TRAPPC9: variants seen among roughly 807,000 people sequenced by gnomAD.
TRAPPC9 encodes the protein IKK2 binding protein.
TRAPPC9 carries 83 observed loss-of-function variants against 124.0 expected under a neutral mutation model. The ratio of observed to expected loss-of-function variants is 0.67; its 90% CI spans 0.56 to 0.80. The LOEUF (loss-of-function observed/expected upper bound fraction) is 0.80. TRAPPC9 is among the 30% of genes least tolerant of loss of function. The pLI is 0.00. For synonymous variants in TRAPPC9, 638 were observed against 617.5 expected (o/e 1.03, Z -0.49); for missense variants, 1,302 against 1,508.3 (o/e 0.86, Z 2.27).
At chr8:140,457,776 C>G, upstream of TRAPPC9, 2 of 1,003,582 alleles carry the variant, frequency 2.0e-6, no homozygotes, top group South Asian at 8.4e-5. Context: ...CCTGCGCGTG[C>G]GCGGAGGCCA....
At position 139,825,881 on chromosome 8, in the gene TRAPPC9, T is replaced by A. The variant is rs913225114; in HGVS notation, c.3055+59998A>T. ...CCATGGGTTCCTGAATCAGAATATT[T>A]CCTGTGCAAAGCGCCATGCCAGGCT... On this transcript the variant is annotated intron_variant, in intron 21 of 22. Coordinates refer to ENST00000438773, the MANE Select transcript of TRAPPC9 (RefSeq NM_001160372.4). The surrounding 1 kb of genome is among the most constrained non-coding windows in gnomAD (Gnocchi z 4.6). 3.3e-5 allele frequency among the ~76,000 whole-genome samples: 5 copies of A among 152,020 alleles called. No individual in the cohort carries two copies. The highest frequency in any genetic ancestry group is 4.2e-4 in the South Asian group (2 of 4,816).
chr8:140,197,250 A>C (rs2062691792), intron 17 of TRAPPC9, among the ~76,000 whole-genome samples: 1 of 152,246 alleles, frequency 6.6e-6, no homozygotes, highest in Non-Finnish European at 1.5e-5. Context: ...TATTTTGCAA[A>C]TAAAGCGGGA....
rs1252855556 is a variant in TRAPPC9 at position 139,825,944 on chromosome 8, G to A, written c.3055+59935C>T. Among the ~76,000 whole-genome samples the A allele has an allele frequency of 6.6e-6, 1 of 152,172 alleles. No individual in the cohort carries two copies. The highest frequency in any genetic ancestry group is 1.5e-5 in the Non-Finnish European group (1 of 68,030). ...GGTGAGCATCGGATATAACCCGCCC[G>A]TGGAACAGGCCATGATGAGGATGTG... On this transcript the variant is annotated intron_variant, in intron 21 of 22. Transcript: ENST00000438773. This position sits in a 1 kb window ranked among gnomAD's most constrained non-coding sequence, Gnocchi z 4.6.
chr8:140,439,828 A>G (rs2070944270), intron 2 of TRAPPC9, among the ~76,000 whole-genome samples: 1 of 151,776 alleles, frequency 6.6e-6, no homozygotes, highest in Non-Finnish European at 1.5e-5. Context: ...AAATACATCT[A>G]ACCTTTAAAT....
chr8:140,169,889 C>T (rs1463317654), intron 17 of TRAPPC9, among the ~76,000 whole-genome samples: 4 of 151,914 alleles, frequency 2.6e-5, no homozygotes, highest in African/African-American at 7.3e-5. Context: ...AGGTGTGCAC[C>T]GCCATGCTCA....
Position 140,371,090 on chromosome 8 carries a change from G to A in TRAPPC9, c.1225C>T (p.Arg409Cys), listed in dbSNP as rs771541938. Residue 409 changes from arginine to cysteine, a missense_variant, in exon 8 of 23, where the codon CGC becomes TGC. Arg to Cys is a radical substitution (Grantham distance 180, BLOSUM62 -3). This residue lies in a region of TRAPPC9 where 657 missense variants were observed against 811.2 expected (regional missense o/e 0.81). Coordinates refer to ENST00000438773, the MANE Select transcript of TRAPPC9 (RefSeq NM_001160372.4). ...GFHRKSAFFK[R>C]VAAMQCVAPS... ...GCCACGCACTGCATGGCGGCCACGC[G>A]CTTGAAGAACGCAGACTTGCGATGG... 10 of 1,614,204 alleles carry A rather than the reference G, an allele frequency of 6.2e-6. No individual in the cohort carries two copies. The highest frequency in any genetic ancestry group is 1.1e-5 in the South Asian group (1 of 91,090).
At chr8:139,972,050 T>C (rs1175308983) in intron 19 of TRAPPC9, among the ~76,000 whole-genome samples, 2 of 152,104 alleles carry the variant, frequency 1.3e-5, no homozygotes, top group Non-Finnish European at 2.9e-5. Context: ...GATCTCGAAC[T>C]CCTGACCTCA....
At chr8:140,075,531 T>TCA (rs1313310306) in intron 17 of TRAPPC9, among the ~76,000 whole-genome samples, 3 of 152,230 alleles carry the variant, frequency 2.0e-5, no homozygotes, top group Admixed American at 2.0e-4. Context: ...TAGGAGGGTT[T>TCA]CAGCACCATG....
At position 140,405,603 on chromosome 8, in the gene TRAPPC9, T is replaced by C; in HGVS notation, c.982A>G (p.Lys328Glu). 1 of 1,614,190 alleles carries C rather than the reference T, an allele frequency of 6.2e-7. No homozygotes were observed. The highest frequency in any genetic ancestry group is 8.5e-7 in the Non-Finnish European group (1 of 1,180,018). ...TTGCTGTAATAGGAAATCGCCTCTTTATACTTGTCAATTATGTCTTCAGGG... is the reference window on the plus strand; with the variant it reads ...TTGCTGTAATAGGAAATCGCCTCTTCATACTTGTCAATTATGTCTTCAGGG... ...LSPEDIIDKY[K>E]EAISYYSKYK... The change falls in exon 6 of 23, where the codon AAA becomes GAA. Residue 328 changes from lysine to glutamate, a missense_variant. Around this residue, in one of 3 missense-constraint regions of TRAPPC9, gnomAD observed 657 missense variants for 811.2 expected, o/e 0.81. Transcript: ENST00000438773.
At chr8:140,443,754 AG>A in intron 2 of TRAPPC9, among the ~76,000 whole-genome samples, 1 of 151,962 alleles carries the variant, frequency 6.6e-6, no homozygotes, top group Non-Finnish European at 1.5e-5. Flanking sequence ...TACTAAAATT[AG>A]GCCGGGCATG....
At chr8:139,738,612 A>G (rs1382117985) in intron 21 of TRAPPC9, among the ~76,000 whole-genome samples, 3 of 152,228 alleles carry the variant, frequency 2.0e-5, no homozygotes, top group African/African-American at 7.2e-5. Flanking sequence ...GGAGGAAGGT[A>G]GCCCGCAACA....
At chr8:139,916,436 C>G (rs1347755749) in intron 19 of TRAPPC9, 1 of 152,200 alleles carries the variant, frequency 6.6e-6, no homozygotes, top group East Asian at 1.9e-4. Flanking sequence ...AGGAGATGAC[C>G]TAAGGTTGCA....
intron 5 of TRAPPC9, among the ~76,000 whole-genome samples, chr8:140,424,197 A>T (rs568298023): frequency 1.3e-5 from 2 of 152,256 alleles, no homozygotes; most frequent in South Asian, 4.1e-4. Context: ...CTCTCACATA[A>T]TAAGTGCAAA....
chr8:140,053,485 T>C (rs1842116680), intron 17 of TRAPPC9, among the ~76,000 whole-genome samples: 1 of 152,246 alleles, frequency 6.6e-6, no homozygotes, highest in Non-Finnish European at 1.5e-5. Flanking sequence ...CAATGTGTGA[T>C]CTCTCCTGGA....
chr8:140,424,584 G>A (rs57046962), intron 5 of TRAPPC9, among the ~76,000 whole-genome samples: 5,251 of 150,502 alleles, frequency 0.035, 325 homozygotes, highest in African/African-American at 0.12. Context: ...AGCTAGGATC[G>A]CGCCTGTGAA....
At chr8:139,806,677 G>A (rs1824085563) in intron 21 of TRAPPC9, among the ~76,000 whole-genome samples, 1 of 152,196 alleles carries the variant, frequency 6.6e-6, no homozygotes, top group South Asian at 2.1e-4. Context: ...GCCTTCCCAG[G>A]CACCTGCTGT....
chr8:140,372,808 A>G (rs1038275155), intron 7 of TRAPPC9, among the ~76,000 whole-genome samples: 1 of 152,216 alleles, frequency 6.6e-6, no homozygotes, highest in African/African-American at 2.4e-5. Context: ...CACCTGGATC[A>G]TGGACTTCTA....
At chr8:139,743,506 T>C (rs758965765) in intron 21 of TRAPPC9, among the ~76,000 whole-genome samples, 1 of 152,258 alleles carries the variant, frequency 6.6e-6, no homozygotes, top group Non-Finnish European at 1.5e-5. Flanking sequence ...ATTTAACTTT[T>C]AAATTTCAGA....
At chr8:140,128,988 C>T (rs201391709) in intron 17 of TRAPPC9, among the ~76,000 whole-genome samples, 20 of 134,810 alleles carry the variant, frequency 1.5e-4, no homozygotes, top group South Asian at 9.0e-4. Context: ...TATATATATA[C>T]ATATATATAT....
Sources: allele counts gnomAD v4.1 joint callset (sites outside exome capture counted in the v4.1 genomes callset), GRCh38; gene constraint gnomAD v4.1.1; regional missense constraint gnomAD v4.1.1; non-coding constraint Gnocchi (gnomAD v3.1); transcripts MANE v1.5; gene names NCBI Gene and HGNC (gene_info 2026-07-23, HGNC 2026-07-21).